The following SNRNP48 variants were observed in gnomAD, a reference collection of about 807,000 sequenced individuals.
SNRNP48 encodes U11/U12 small nuclear ribonucleoprotein 48 kDa protein.
Under a neutral mutation model 47.0 loss-of-function variants are expected in SNRNP48, and 43 were observed. That is an observed-to-expected ratio of 0.92 (90% CI 0.72 to 1.18). The LOEUF (loss-of-function observed/expected upper bound fraction) is 1.18. Ranked by LOEUF, SNRNP48 falls within the 50% of genes most tolerant of loss-of-function variation. SNRNP48 has a pLI of 0.00. For missense variants in SNRNP48, 396 were observed against 422.2 expected (o/e 0.94, Z 0.54); for synonymous variants, 138 against 144.0 (o/e 0.96, Z 0.30).
rs889053273 is a variant in SNRNP48, at chr6:7,590,242, C to T, written c.-16C>T. ...CTGCAGTTCGGCCGCTTCCTCTTGG[C>T]GGGTGGGCTGCAGCTATGGAGGGCG... On this transcript the variant is annotated 5_prime_UTR_variant, in exon 1 of 9. Coordinates refer to ENST00000342415, the MANE Select transcript of SNRNP48 (RefSeq NM_152551.4). The T allele has an allele frequency of 1.2e-5, 16 of 1,300,024 alleles. No homozygotes were observed. Among genetic ancestry groups the T allele is most frequent in the Non-Finnish European group, 1.6e-5 (16 of 1,016,516 alleles). 80.5% of individuals were successfully genotyped at this position (1,300,024 alleles called of 1,614,324 possible). A position where few individuals can be genotyped will look rare whatever the true frequency, so the allele number is the denominator to read the frequency against.
chr6:7,595,360 A>G (rs1001986913), intron 4 of SNRNP48, among the ~76,000 whole-genome samples: 1 of 147,448 alleles, frequency 6.8e-6, no homozygotes, highest in African/African-American at 2.5e-5. Context: ...TTTATAGGTG[A>G]GATTGTCTTG....
rs774036913 is a variant in SNRNP48 at position 7,608,860 on chromosome 6, A to G, written c.1007A>G (p.Lys336Arg). ...GERHHSHKRRKQKI is the reference protein window; with the variant it reads ...GERHHSHKRRRQKI ...AGACACCATAGTCATAAAAGAAGAA[A>G]GCAAAAAATATAAATGAAGTACTTG... Residue 336 changes from lysine (K) to arginine (R), a missense_variant, in exon 9 of 9, where the codon AAG (lysine) becomes AGG (arginine). Lys to Arg is a conservative substitution (Grantham distance 26). Transcript: ENST00000342415. The G allele has an allele frequency of 6.6e-7, 1 of 1,517,536 alleles. No homozygotes were observed. The highest frequency in any genetic ancestry group is 9.0e-7 in the Non-Finnish European group (1 of 1,112,738). The allele number at this position is 1,517,536 out of a possible 1,614,324, so 94.0% of individuals were successfully genotyped here.
At chr6:7,599,104 G>C (rs1265405008) in intron 4 of SNRNP48, among the ~76,000 whole-genome samples, 1 of 152,186 alleles carries the variant, frequency 6.6e-6, no homozygotes, top group Admixed American at 6.5e-5. Context: ...CTTTGGGCAA[G>C]TCATGTTACT....
rs368220476 is a variant in SNRNP48 at position 7,601,398 on chromosome 6, A to T, written c.469A>T (p.Thr157Ser). Reference protein sequence around the residue: ...LNHKRFVCDLTQADRLALYDF... With the variant: ...LNHKRFVCDLSQADRLALYDF... ...TCACAAACGGTTTGTTTGTGATCTA[A>T]CTCAAGCTGATCGTCTTGCCCTCTA... The change falls in exon 5 of 9, where the codon ACT becomes TCT. Residue 157 changes from threonine (T) to serine (S), a missense_variant. By Grantham distance (58) the Thr-to-Ser change is moderately conservative. Coordinates refer to ENST00000342415, the MANE Select transcript of SNRNP48 (RefSeq NM_152551.4). 6.3e-7 allele frequency: 1 copy of T among 1,599,556 alleles called. No homozygotes were observed. The highest frequency in any genetic ancestry group is 1.1e-5 in the South Asian group (1 of 87,430).
At chr6:7,595,233 T>C (rs548563213) in intron 4 of SNRNP48, 132 bp downstream of exon 4, 4 of 695,986 alleles carry the variant, frequency 5.7e-6, no homozygotes, top group Non-Finnish European at 9.2e-6. Flanking sequence ...ACATTTAACA[T>C]TGGGCTAATT....
chr6:7,607,972 C>G (rs1239992416), intron 8 of SNRNP48, among the ~76,000 whole-genome samples: 1 of 152,172 alleles, frequency 6.6e-6, no homozygotes, highest in Non-Finnish European at 1.5e-5. Flanking sequence ...TTTATAATAA[C>G]TATAGTGCTT....
intron 4 of SNRNP48, chr6:7,600,151 C>G (rs1759985011): frequency 3.0e-6 from 3 of 992,634 alleles, no homozygotes; most frequent in Admixed American, 1.2e-4. Flanking sequence ...TAATTCAAAA[C>G]CCTTTGACGA....
chr6:7,590,558 G>A (rs2113711420), intron 1 of SNRNP48, 145 bp downstream of exon 1: 1 of 982,908 alleles, frequency 1.0e-6, no homozygotes, highest in East Asian at 3.3e-5. Context: ...CCTGGGACCC[G>A]AGGGGCGCCG....
chr6:7,601,241 G>T, intron 4 of SNRNP48, 95 bp from the exon 5 acceptor site: 3 of 958,574 alleles, frequency 3.1e-6, no homozygotes, highest in East Asian at 3.0e-5. Flanking sequence ...TGTTAATATT[G>T]CATTATTAAA....
chr6:7,597,397 G>C (rs1320676492), intron 4 of SNRNP48, among the ~76,000 whole-genome samples: 3 of 152,182 alleles, frequency 2.0e-5, no homozygotes, highest in Non-Finnish European at 4.4e-5. Flanking sequence ...GTGACTATCA[G>C]TGCTGTTCAT....
At chr6:7,606,513 C>T (rs1760131128) in intron 8 of SNRNP48, among the ~76,000 whole-genome samples, 1 of 152,208 alleles carries the variant, frequency 6.6e-6, no homozygotes, top group South Asian at 2.1e-4. Flanking sequence ...TCCCAGATCC[C>T]TTTCTTCTGC....
chr6:7,594,364 GA>G (rs1375600153), intron 3 of SNRNP48, among the ~76,000 whole-genome samples: 2 of 152,154 alleles, frequency 1.3e-5, no homozygotes, highest in Admixed American at 6.5e-5. Context: ...AATAGGCAGT[GA>G]AAACCTTACA....
chr6:7,595,247 T>C, intron 4 of SNRNP48, 146 bp downstream of exon 4: 1 of 642,038 alleles, frequency 1.6e-6, no homozygotes. Context: ...GCTAATTTGC[T>C]TCGTTTCAAC....
intron 5 of SNRNP48, among the ~76,000 whole-genome samples, 191 bp from the exon 6 acceptor site, chr6:7,602,432 C>G (rs753588830): frequency 2.6e-5 from 4 of 152,082 alleles, no homozygotes; most frequent in Non-Finnish European, 5.9e-5. Flanking sequence ...CTCTTATGTT[C>G]AACTAATGGC....
intron 1 of SNRNP48, among the ~76,000 whole-genome samples, chr6:7,590,906 A>C (rs1173372677): frequency 6.6e-6 from 1 of 152,180 alleles, no homozygotes; most frequent in Non-Finnish European, 1.5e-5. Context: ...TGAGCCCAGG[A>C]GGTCGAGGCT....
At chr6:7,593,954 C>T in intron 2 of SNRNP48, 107 bp downstream of exon 2, 1 of 1,015,390 alleles carries the variant, frequency 9.8e-7, no homozygotes, top group Non-Finnish European at 1.4e-6. Context: ...AAATAATAGC[C>T]CTTACTTGAA....
Position 7,593,790 on chromosome 6 carries a change from G to A in SNRNP48, c.213G>A (p.Leu71=). ...DSNHHMPKSS[L]AKHMASCRLR... ...ATCATCACATGCCTAAATCATCTTT[G>A]GCAAAGCACATGGCATCTTGTAGAT... is the stretch of plus-strand genomic sequence containing the variant. The change falls in exon 2 of 9, where the codon TTG becomes TTA. Residue 71 remains leucine (L), a synonymous_variant. Transcript: ENST00000342415. The A allele has an allele frequency of 6.3e-7, 1 of 1,598,866 alleles. No homozygotes were observed. The highest frequency in any genetic ancestry group is 1.1e-5 in the South Asian group (1 of 87,664).
At chr6:7,608,274 AGG>A (rs1760169546) in intron 8 of SNRNP48, among the ~76,000 whole-genome samples, 1 of 152,100 alleles carries the variant, frequency 6.6e-6, no homozygotes, top group African/African-American at 2.4e-5. Flanking sequence ...ACTAAGAGAC[AGG>A]CCGGGCGTGG....
rs2113721124 is a variant in SNRNP48, at chr6:7,602,692, G to A, written c.665G>A (p.Arg222His). 6 of 1,603,810 alleles carry A rather than the reference G, an allele frequency of 3.7e-6. No homozygotes were observed. Among genetic ancestry groups the A allele is most frequent in the African/African-American group, 1.3e-5 (1 of 74,444 alleles). The change falls in exon 6 of 9, where the codon CGC (arginine) becomes CAC (histidine). Residue 222 changes from arginine (R) to histidine (H), a missense_variant. By Grantham distance (29) the Arg-to-His change is conservative. Coordinates refer to ENST00000342415, the MANE Select transcript of SNRNP48 (RefSeq NM_152551.4). ...GAAGTACGAGATTATAAAAGAAGACGCCAGTCCTATAGAGCCAAGAATGTT... is the reference window on the plus strand; with the variant it reads ...GAAGTACGAGATTATAAAAGAAGACACCAGTCCTATAGAGCCAAGAATGTT... ...LAEVRDYKRR[R>H]QSYRAKNVHI...
Sources: allele counts gnomAD v4.1 joint callset (sites outside exome capture counted in the v4.1 genomes callset), GRCh38; gene constraint gnomAD v4.1.1; transcripts MANE v1.5; gene names NCBI Gene and HGNC (gene_info 2026-07-23, HGNC 2026-07-21).